TRAP1: variants seen among roughly 807,000 people sequenced by gnomAD.
TRAP1 encodes the protein heat shock protein 75 kDa, mitochondrial.
A neutral mutation model predicts 89.1 loss-of-function variants in TRAP1; 102 were observed. That is an observed-to-expected ratio of 1.15 (90% CI 0.98 to 1.35). The LOEUF is 1.35. Ranked by LOEUF, TRAP1 falls within the 40% of genes most tolerant of loss-of-function variation. The probability of loss-of-function intolerance (pLI) is 0.00; values close to 1 mark genes in which losing one functional copy is unlikely to be tolerated. For missense variants in TRAP1, 1,256 were observed against 945.3 expected (o/e 1.33, Z -4.31); for synonymous variants, 508 against 388.0 (o/e 1.31, Z -3.64).
chr16:3,679,212 A>T (rs1418853393), intron 5 of TRAP1, among the ~76,000 whole-genome samples: 2 of 151,840 alleles, frequency 1.3e-5, no homozygotes, highest in Non-Finnish European at 2.9e-5. Flanking sequence ...AGTTGCTTGA[A>T]CCGGGAGGCA....
intron 16 of TRAP1, chr16:3,660,974 T>C (rs913124123): frequency 6.6e-6 from 1 of 152,128 alleles, no homozygotes; most frequent in Non-Finnish European, 1.5e-5. Context: ...GGTAAGTCTA[T>C]GGATTTTGAT....
chr16:3,715,508 T>C (rs1567250485), intron 1 of TRAP1, among the ~76,000 whole-genome samples: 3 of 152,084 alleles, frequency 2.0e-5, no homozygotes, highest in Admixed American at 6.6e-5. Context: ...ACTGACATAT[T>C]TTCCAAATGG....
intron 11 of TRAP1, among the ~76,000 whole-genome samples, chr16:3,671,326 T>G: frequency 6.6e-6 from 1 of 152,210 alleles, no homozygotes; most frequent in South Asian, 2.1e-4. Context: ...GAATAAAGAC[T>G]ATTTGGTGAG....
chr16:3,662,013 C>CAGGAGCTGT lies in TRAP1; in HGVS notation c.1905_1913dup (p.Leu637_Gln639dup). Reference sequence around the variant, plus strand: ...TGGGGTTGATCTCCAGCGTGGGCTGCAGGAGCTGTGCGCGCTCCTCCTGGG... The same window carrying CAGGAGCTGT: ...TGGGGTTGATCTCCAGCGTGGGCTGCAGGAGCTGTAGGAGCTGTGCGCGCTCCTCCTGGG... On this transcript the variant is annotated inframe_insertion, in exon 16 of 18. Transcript: ENST00000246957. 2 of 1,611,232 alleles carry CAGGAGCTGT rather than the reference C, an allele frequency of 1.2e-6. No individual in the cohort carries two copies. The highest frequency in any genetic ancestry group is 1.7e-6 in the Non-Finnish European group (2 of 1,178,814).
intron 1 of TRAP1, among the ~76,000 whole-genome samples, chr16:3,694,334 G>A (rs550072278): frequency 4.3e-4 from 64 of 149,990 alleles, no homozygotes; most frequent in African/African-American, 1.5e-3. Flanking sequence ...GGATGAGGAC[G>A]CGAACGTATC....
chr16:3,682,085 A>G (rs1420454959), intron 4 of TRAP1, among the ~76,000 whole-genome samples: 1 of 152,182 alleles, frequency 6.6e-6, no homozygotes, highest in Admixed American at 6.5e-5. Context: ...TTTGACAAAG[A>G]TTCCAAGGTA....
chr16:3,669,185 G>T (rs1284695080), intron 11 of TRAP1, among the ~76,000 whole-genome samples: 1 of 152,224 alleles, frequency 6.6e-6, no homozygotes, highest in Non-Finnish European at 1.5e-5. Flanking sequence ...TCACTGAAGT[G>T]AACTGAAACA....
chr16:3,694,477 G>A (rs61008050), intron 1 of TRAP1, among the ~76,000 whole-genome samples: 6,273 of 152,008 alleles, frequency 0.041, 424 homozygotes, highest in African/African-American at 0.14. Context: ...CCTAGTAGCT[G>A]GGATTACAGG....
rs1136948 is a variant in TRAP1 at position 3,671,772 on chromosome 16, G to C, written c.1185C>G (p.Asp395Glu). The change falls in exon 11 of 18, where the codon GAC (aspartate) becomes GAG (glutamate). Residue 395 changes from aspartate to glutamate, a missense_variant. By Grantham distance (45) the Asp-to-Glu change is conservative. Coordinates refer to ENST00000246957, the MANE Select transcript of TRAP1 (RefSeq NM_016292.3). The part of the protein sequence containing the change: ...RFIRGVVDSE[D>E]IPLNLSRELL... Reference sequence around the variant, plus strand: ...GCTCCCGGCTGAGGTTCAGGGGAATGTCCTCACTGTCCACCACACCTGGGA... The same window carrying C: ...GCTCCCGGCTGAGGTTCAGGGGAATCTCCTCACTGTCCACCACACCTGGGA... The C allele has an allele frequency of 0.17, 273,994 of 1,612,654 alleles. 24,883 individuals are homozygous for C. The highest frequency in any genetic ancestry group is 0.19 in the Middle Eastern group (1,170 of 6,060).
chr16:3,710,730 C>A (rs2051517040), intron 1 of TRAP1, among the ~76,000 whole-genome samples: 1 of 152,084 alleles, frequency 6.6e-6, no homozygotes, highest in Non-Finnish European at 1.5e-5. Context: ...ACCCGACACA[C>A]ATAGTTACAT....
intron 1 of TRAP1, among the ~76,000 whole-genome samples, chr16:3,694,878 C>G (rs994001690): frequency 6.6e-6 from 1 of 152,156 alleles, no homozygotes; most frequent in Non-Finnish European, 1.5e-5. Flanking sequence ...CTCTCACAGT[C>G]CTGGAAGCAA....
At chr16:3,673,798 G>A (rs374940883) in intron 9 of TRAP1, among the ~76,000 whole-genome samples, 9 of 152,194 alleles carry the variant, frequency 5.9e-5, no homozygotes, top group African/African-American at 2.2e-4. Context: ...AGGATTTGCG[G>A]GAACTTCAAT....
intron 1 of TRAP1, among the ~76,000 whole-genome samples, chr16:3,693,974 C>T (rs1306127627): frequency 7.0e-6 from 1 of 143,052 alleles, no homozygotes; most frequent in Non-Finnish European, 1.5e-5. Context: ...GCACTTCAGG[C>T]TGGGTGAGAC....
chr16:3,698,385 A>C (rs1231307027), intron 1 of TRAP1, among the ~76,000 whole-genome samples: 2 of 149,722 alleles, frequency 1.3e-5, no homozygotes, highest in Non-Finnish European at 1.5e-5. Context: ...ATCTCGGCTC[A>C]CTGCAAGCTC....
chr16:3,663,663 CACACTGGGGA>C, intron 13 of TRAP1, 101 bp from the exon 14 acceptor site: 1 of 1,499,082 alleles, frequency 6.7e-7, no homozygotes, highest in Non-Finnish European at 9.0e-7. Flanking sequence ...CCAAGCGGGC[CACACTGGGGA>C]ACACCGGGGC....
intron 1 of TRAP1, among the ~76,000 whole-genome samples, chr16:3,701,000 T>C (rs1261666706): frequency 1.3e-5 from 2 of 152,170 alleles, no homozygotes; most frequent in East Asian, 3.8e-4. Context: ...ACTCTAATTA[T>C]AAGGCAAGGA....
In TRAP1 at chr16:3,664,355, G is replaced by T. The variant is rs113655404; in HGVS notation, c.1488C>A (p.Asn496Lys). The T allele has an allele frequency of 1.2e-6, 2 of 1,613,144 alleles. No individual in the cohort carries two copies. Residue 496 changes from asparagine to lysine, a missense_variant, in exon 13 of 18, where the codon AAC (asparagine) becomes AAA (lysine). Physicochemically the swap from Asn to Lys is moderately conservative, Grantham distance 94. Coordinates refer to ENST00000246957, the MANE Select transcript of TRAP1 (RefSeq NM_016292.3). ...YASRMRAGTR[N>K]IYYLCAPNRH... ...GGTTGGGGGCGCACAGGTAGTAGAT[G>T]TTGCGGGTGCCGGCCCGCATGCGGC...
intron 1 of TRAP1, among the ~76,000 whole-genome samples, chr16:3,705,830 CCA>C (rs1192440904): frequency 2.6e-5 from 4 of 151,772 alleles, no homozygotes; most frequent in Non-Finnish European, 5.9e-5. Context: ...CAGGCATGTG[CCA>C]CCACACCCGG....
chr16:3,677,772 C>T (rs1596717882), intron 5 of TRAP1, 114 bp from the exon 6 acceptor site: 2 of 1,260,134 alleles, frequency 1.6e-6, no homozygotes, highest in East Asian at 2.5e-5. Flanking sequence ...AAAACAGCCA[C>T]ACCGAGTACT....
Sources: gnomAD v4.1 joint callset for allele counts (sites outside exome capture counted in the v4.1 genomes callset) on GRCh38, gnomAD v4.1.1 for gene constraint, MANE v1.5 for transcripts, NCBI Gene and HGNC (gene_info 2026-07-23, HGNC 2026-07-21) for gene names.